FAM227B: variants seen among roughly 807,000 people sequenced by gnomAD.
The protein encoded by FAM227B is protein FAM227B.
FAM227B carries 88 observed loss-of-function variants against 73.8 expected under a neutral mutation model. The ratio of observed to expected loss-of-function variants is 1.19; its 90% confidence interval spans 1.00 to 1.42. FAM227B has a LOEUF of 1.42. FAM227B is among the 40% of genes most tolerant of loss of function. The pLI, the probability that FAM227B is intolerant of heterozygous loss-of-function variation, is 0.00. For synonymous variants in FAM227B, 210 were observed against 190.5 expected (o/e 1.10, Z -0.84); for missense variants, 632 against 590.9 (o/e 1.07, Z -0.72).
rs139850025 is a variant in FAM227B at position 49,367,000 on chromosome 15, CA to C, written c.1271+447del. Among the ~76,000 whole-genome samples the C allele has an allele frequency of 1.5e-3, 226 of 152,254 alleles. 1 individual carries two copies. Among genetic ancestry groups the C allele is most frequent in the African/African-American group, 5.1e-3 (214 of 41,556 alleles). The stretch of plus-strand genomic sequence containing the variant: ...CGATTTTAATTTATTTTTTATTTTA[CA>C]CATAAAAATAAATTTTTTAATGTGT... On this transcript the variant is annotated intron_variant, in intron 13 of 15. Coordinates refer to ENST00000299338, the MANE Select transcript of FAM227B (RefSeq NM_152647.3).
At chr15:49,432,886 T>C (rs2050742555) in intron 11 of FAM227B, among the ~76,000 whole-genome samples, 1 of 151,564 alleles carries the variant, frequency 6.6e-6, no homozygotes, top group South Asian at 2.1e-4. Context: ...CAGCTATTAT[T>C]TGGGCCACCG....
rs1234463692 is a variant in FAM227B at position 49,371,357 on chromosome 15, G to A, written c.1055C>T (p.Ala352Val). Residue 352 changes from alanine to valine, a missense_variant, in exon 12 of 16, where the codon GCA (alanine) becomes GTA (valine). Transcript: ENST00000299338. ...TTCCTTGGATATGGGCAACGTATAT[G>A]CTCTTGGGTTGTTCAGAATCTTTAT... Reference protein sequence around the residue: ...NIIKILNNPRAYTLPISKEES... With the variant: ...NIIKILNNPRVYTLPISKEES... The A allele has an allele frequency of 1.9e-6, 3 of 1,601,926 alleles. No homozygotes were observed. The highest frequency in any genetic ancestry group is 2.7e-5 in the African/African-American group (2 of 74,488).
At chr15:49,613,118 A>C (rs1177373420) in intron 2 of FAM227B, among the ~76,000 whole-genome samples, 2 of 152,210 alleles carry the variant, frequency 1.3e-5, no homozygotes, top group African/African-American at 4.8e-5. Flanking sequence ...TGGGAGGCCA[A>C]GACAGGAGGA....
intron 9 of FAM227B, among the ~76,000 whole-genome samples, chr15:49,553,098 G>T (rs1041280336): frequency 6.6e-6 from 1 of 152,128 alleles, no homozygotes; most frequent in Non-Finnish European, 1.5e-5. Context: ...ATTTATAGCT[G>T]TTCTACTTGG....
chr15:49,437,690 A>G (rs1038137358), intron 11 of FAM227B, among the ~76,000 whole-genome samples: 1 of 151,702 alleles, frequency 6.6e-6, no homozygotes, highest in African/African-American at 2.4e-5. Flanking sequence ...CAGCAATTAG[A>G]ATACTATTTA....
intron 11 of FAM227B, among the ~76,000 whole-genome samples, chr15:49,382,542 G>T: frequency 6.6e-6 from 1 of 151,882 alleles, no homozygotes; most frequent in East Asian, 1.9e-4. Context: ...ACTTACAAAG[G>T]TACCTAAATA....
At chr15:49,453,740 G>C (rs554756627) in intron 11 of FAM227B, among the ~76,000 whole-genome samples, 1 of 152,102 alleles carries the variant, frequency 6.6e-6, no homozygotes, top group East Asian at 1.9e-4. Context: ...TTGAGCTCTT[G>C]TTACATGTAT....
chr15:49,391,037 A>G (rs2047181191), intron 11 of FAM227B, among the ~76,000 whole-genome samples: 1 of 152,094 alleles, frequency 6.6e-6, no homozygotes, highest in Non-Finnish European at 1.5e-5. Context: ...CTCACTTTCC[A>G]ATTGGGTCTC....
At chr15:49,570,895 T>C (rs1254612488) in intron 8 of FAM227B, among the ~76,000 whole-genome samples, 5 of 147,390 alleles carry the variant, frequency 3.4e-5, no homozygotes, top group Admixed American at 6.8e-5. Flanking sequence ...AATTTATTAA[T>C]ATTATTATGA....
chr15:49,543,141 C>T (rs565376876), intron 9 of FAM227B, among the ~76,000 whole-genome samples: 281 of 152,130 alleles, frequency 1.8e-3, no homozygotes, highest in African/African-American at 6.4e-3. Context: ...TAAAAGTGTT[C>T]CCTTTTCACC....
At chr15:49,593,142 T>G (rs1185792386) in intron 3 of FAM227B, among the ~76,000 whole-genome samples, 1 of 152,164 alleles carries the variant, frequency 6.6e-6, no homozygotes, top group Non-Finnish European at 1.5e-5. Context: ...TTGCGCTTCC[T>G]GGGTGAGGTG....
chr15:49,526,593 T>C (rs984828116), intron 10 of FAM227B, among the ~76,000 whole-genome samples: 3 of 151,936 alleles, frequency 2.0e-5, no homozygotes, highest in Non-Finnish European at 4.4e-5. Context: ...ATACAAAACA[T>C]TAATGAAATG....
chr15:49,549,152 C>A (rs1189944991), intron 9 of FAM227B, among the ~76,000 whole-genome samples: 1 of 151,978 alleles, frequency 6.6e-6, no homozygotes, highest in Non-Finnish European at 1.5e-5. Context: ...TATAAATATG[C>A]CTCTTAGTAC....
At chr15:49,492,104 T>C (rs990751907) in intron 11 of FAM227B, among the ~76,000 whole-genome samples, 16 of 151,890 alleles carry the variant, frequency 1.1e-4, no homozygotes, top group African/African-American at 3.9e-4. Context: ...GAATCTGTTT[T>C]TAAAAATAAC....
At chr15:49,584,614 C>T (rs772588034) in intron 5 of FAM227B, among the ~76,000 whole-genome samples, 4 of 151,988 alleles carry the variant, frequency 2.6e-5, no homozygotes, top group South Asian at 2.1e-4. Flanking sequence ...CCTAGAAACC[C>T]TATAGTCTCA....
chr15:49,578,618 T>C (rs999018699), intron 5 of FAM227B, among the ~76,000 whole-genome samples: 6 of 152,066 alleles, frequency 3.9e-5, no homozygotes, highest in African/African-American at 1.4e-4. Flanking sequence ...AGATGACATA[T>C]GACATATAAA....
At chr15:49,607,845 T>C (rs966290793) in intron 3 of FAM227B, among the ~76,000 whole-genome samples, 4 of 152,200 alleles carry the variant, frequency 2.6e-5, no homozygotes, top group Non-Finnish European at 5.9e-5. Flanking sequence ...GAGTAGATCA[T>C]ATCTTGTAGC....
intron 11 of FAM227B, chr15:49,396,178 A>T (rs992150400): frequency 2.8e-6 from 1 of 351,972 alleles, no homozygotes; most frequent in African/African-American, 2.2e-5. Context: ...GCATTGCCTC[A>T]CTTGGGAAGC....
At chr15:49,573,607 T>C (rs889241858) in intron 8 of FAM227B, among the ~76,000 whole-genome samples, 3 of 152,184 alleles carry the variant, frequency 2.0e-5, no homozygotes, top group African/African-American at 7.2e-5. Flanking sequence ...CTCACTCTTC[T>C]ACTTGCTGCC....
Sources: allele counts gnomAD v4.1 joint callset (sites outside exome capture counted in the v4.1 genomes callset), GRCh38; gene constraint gnomAD v4.1.1; transcripts MANE v1.5; gene names NCBI Gene and HGNC (gene_info 2026-07-23, HGNC 2026-07-21).